The following CEP112 variants were observed in gnomAD, a reference collection of about 807,000 sequenced individuals.
CEP112 encodes centrosomal protein 112, also known as centrosomal protein of 112 kDa.
In CEP112, 127 loss-of-function variants were observed where a neutral mutation model predicts 153.0. The ratio of observed to expected loss-of-function variants is 0.83; its 90% confidence interval spans 0.72 to 0.96. The LOEUF is 0.96. Ranked by LOEUF, CEP112 falls within the 40% of genes least tolerant of loss-of-function variation. The probability of loss-of-function intolerance (pLI) is 0.00; values close to 1 mark genes in which losing one functional copy is unlikely to be tolerated. For synonymous variants in CEP112, 358 were observed against 374.4 expected (o/e 0.96, Z 0.51); for missense variants, 1,089 against 1,101.2 (o/e 0.99, Z 0.16).
intron 8 of CEP112, among the ~76,000 whole-genome samples, chr17:66,084,252 G>C (rs1163289257): frequency 1.3e-5 from 2 of 152,138 alleles, no homozygotes; most frequent in East Asian, 3.9e-4. Context: ...AAACAGTTTG[G>C]AGGTTCCTCA....
At chr17:65,870,073 G>GAAAGAAAGA (rs2058616886) in intron 20 of CEP112, among the ~76,000 whole-genome samples, 1 of 145,238 alleles carries the variant, frequency 6.9e-6, no homozygotes, top group Non-Finnish European at 1.5e-5. Context: ...AAGAAAGAAA[G>GAAAGAAAGA]AAAGAAAGAA....
At chr17:66,058,193 GA>G (rs1444133277) in intron 11 of CEP112, among the ~76,000 whole-genome samples, 1 of 151,802 alleles carries the variant, frequency 6.6e-6, no homozygotes, top group Non-Finnish European at 1.5e-5. Context: ...GAAAGAAAAA[GA>G]CGTACCCTTG....
Position 65,743,070 on chromosome 17 carries a change from T to C in CEP112, c.2605A>G (p.Lys869Glu). 6.2e-7 allele frequency: 1 copy of C among 1,606,254 alleles called. No homozygotes were observed. Among genetic ancestry groups the C allele is most frequent in the Non-Finnish European group, 8.5e-7 (1 of 1,177,026 alleles). Residue 869 changes from lysine to glutamate, a missense_variant and splice_region_variant, in exon 23 of 27, where the codon AAG (lysine) becomes GAG (glutamate). Physicochemically the swap from Lys to Glu is moderately conservative, Grantham distance 56. Coordinates refer to ENST00000535342, the MANE Select transcript of CEP112 (RefSeq NM_001199165.4). ...QLIRDNDQAI[K>E]VLQDELENRS... Reference sequence around the variant, plus strand: ...GGTTACTGAAGTCTTCAGATTACCTTGATTGCTTGGTCATTATCTCTAATC... The same window carrying C: ...GGTTACTGAAGTCTTCAGATTACCTCGATTGCTTGGTCATTATCTCTAATC...
rs763937327 is a variant in CEP112, at chr17:65,743,175, C to A, written c.2500G>T (p.Glu834Ter). 1.2e-6 allele frequency: 2 copies of A among 1,612,490 alleles called. No homozygotes were observed. Among genetic ancestry groups the A allele is most frequent in the Admixed American group, 3.3e-5 (2 of 59,864 alleles). ...GCAGCAAGCTGCTGCTGGCTGTTCT[C>A]TTCTTTCAGAGAGGAAATGGTTGTC... is the stretch of plus-strand genomic sequence containing the variant. ...LQTTISSLKE[E>*]NSQQQLAAER... Residue 834 changes from glutamate (E) to a stop codon, truncating the protein, a stop_gained, in exon 23 of 27, where the codon GAG (glutamate) becomes TAG (stop). Transcript: ENST00000535342. LOFTEE classifies it high-confidence loss of function.
At chr17:65,766,668 G>C (rs981094132) in intron 21 of CEP112, among the ~76,000 whole-genome samples, 6 of 149,882 alleles carry the variant, frequency 4.0e-5, no homozygotes, top group African/African-American at 1.5e-4. Flanking sequence ...TACATAGGCT[G>C]AAAGTGAAGG....
At chr17:65,798,801 A>G (rs2055090268) in intron 21 of CEP112, among the ~76,000 whole-genome samples, 1 of 152,216 alleles carries the variant, frequency 6.6e-6, no homozygotes, top group South Asian at 2.1e-4. Flanking sequence ...CTGATGAACT[A>G]TGTGACCATG....
intron 21 of CEP112, among the ~76,000 whole-genome samples, chr17:65,801,862 C>A (rs2055298253): frequency 6.6e-6 from 1 of 152,080 alleles, no homozygotes; most frequent in Non-Finnish European, 1.5e-5. Context: ...TATTATTTTT[C>A]CCCCTGCCCA....
At chr17:65,717,539 C>T (rs1485178322) in intron 23 of CEP112, among the ~76,000 whole-genome samples, 1 of 152,196 alleles carries the variant, frequency 6.6e-6, no homozygotes, top group Non-Finnish European at 1.5e-5. Context: ...AATCCTAGCT[C>T]TTCCTTCTGG....
At chr17:65,906,620 T>C (rs1320172008) in intron 19 of CEP112, among the ~76,000 whole-genome samples, 1 of 152,136 alleles carries the variant, frequency 6.6e-6, no homozygotes, top group Non-Finnish European at 1.5e-5. Context: ...TTAGGGGTTT[T>C]CCCCATATTA....
At chr17:65,649,717 CAAAAA>C (rs3077085) in intron 24 of CEP112, among the ~76,000 whole-genome samples, 2 of 114,566 alleles carry the variant, frequency 1.7e-5, no homozygotes, top group Non-Finnish European at 3.6e-5. Context: ...GACCCTGTCT[CAAAAA>C]AAAAAAAAAA....
chr17:66,085,979 C>CAAAAA (rs373315539), intron 8 of CEP112, among the ~76,000 whole-genome samples: 1 of 110,140 alleles, frequency 9.1e-6, no homozygotes. Flanking sequence ...GACTCCGTCT[C>CAAAAA]AAAAAAAAAA....
intron 17 of CEP112, among the ~76,000 whole-genome samples, chr17:66,001,022 T>A (rs566360622): frequency 5.3e-5 from 8 of 152,330 alleles, no homozygotes; most frequent in African/African-American, 1.9e-4. Context: ...ACATAAGGCA[T>A]GACACGTCAA....
intron 18 of CEP112, among the ~76,000 whole-genome samples, chr17:65,954,992 C>A (rs1403788913): frequency 6.6e-6 from 1 of 152,116 alleles, no homozygotes; most frequent in Non-Finnish European, 1.5e-5. Flanking sequence ...CCTAGACATG[C>A]AAATACAAGA....
chr17:65,940,150 C>T (rs1169594959), intron 18 of CEP112, among the ~76,000 whole-genome samples: 2 of 152,120 alleles, frequency 1.3e-5, no homozygotes, highest in Non-Finnish European at 2.9e-5. Flanking sequence ...CTCAACATCA[C>T]TAATTAGGGA....
At chr17:66,056,480 C>T (rs560302525) in intron 11 of CEP112, among the ~76,000 whole-genome samples, 1 of 152,198 alleles carries the variant, frequency 6.6e-6, no homozygotes, top group Non-Finnish European at 1.5e-5. Flanking sequence ...GTGGAGTCAA[C>T]TCAAATGTCT....
chr17:66,067,460 C>T (rs531477229), intron 9 of CEP112, among the ~76,000 whole-genome samples: 6 of 152,206 alleles, frequency 3.9e-5, no homozygotes, highest in South Asian at 4.1e-4. Context: ...CTTATACTTA[C>T]GATATCTACT....
intron 24 of CEP112, among the ~76,000 whole-genome samples, chr17:65,686,306 C>A (rs981220727): frequency 6.6e-6 from 1 of 151,786 alleles, no homozygotes; most frequent in Non-Finnish European, 1.5e-5. Context: ...ATTGTCACTA[C>A]AAAGATGAAA....
intron 19 of CEP112, among the ~76,000 whole-genome samples, chr17:65,903,910 A>G (rs1286946613): frequency 2.0e-5 from 3 of 152,238 alleles, no homozygotes; most frequent in Non-Finnish European, 4.4e-5. Flanking sequence ...ATAAAATTCA[A>G]CATCCCTTCA....
At chr17:65,884,877 T>G (rs879703957) in intron 20 of CEP112, among the ~76,000 whole-genome samples, 1 of 151,904 alleles carries the variant, frequency 6.6e-6, no homozygotes, top group African/African-American at 2.4e-5. Flanking sequence ...GCCACCACCC[T>G]GGCTAATTTT....
Sources: gnomAD v4.1 joint callset for allele counts (sites outside exome capture counted in the v4.1 genomes callset) on GRCh38, gnomAD v4.1.1 for gene constraint, MANE v1.5 for transcripts, NCBI Gene and HGNC (gene_info 2026-07-23, HGNC 2026-07-21) for gene names.